Variants in TPTE observed in about 807,000 individuals in gnomAD.
TPTE encodes transmembrane phosphatase with tensin homology.
Under a neutral mutation model 84.1 loss-of-function variants are expected in TPTE, and 59 were observed. The observed-to-expected ratio is 0.70, with a 90% CI of 0.57 to 0.87. TPTE has a LOEUF of 0.87. Among genes scored for constraint, TPTE ranks in the 40% least tolerant of loss-of-function variants. TPTE has a pLI of 0.00. For missense variants in TPTE, 382 were observed against 659.6 expected (o/e 0.58, Z 4.61); for synonymous variants, 130 against 223.5 (o/e 0.58, Z 3.73).
intron 21 of TPTE, among the ~76,000 whole-genome samples, chr21:10,600,127 T>A (rs1320366599): frequency 6.6e-6 from 1 of 151,828 alleles, no homozygotes; most frequent in Non-Finnish European, 1.5e-5. Flanking sequence ...GTTTTTCCAA[T>A]TTTTTTCTTT....
rs1368265719 is a variant in TPTE, at chr21:10,569,466, T to G, written c.596T>G (p.Leu199Arg). 1 of 1,613,516 alleles carries G rather than the reference T, an allele frequency of 6.2e-7. No individual in the cohort carries two copies. Among genetic ancestry groups the G allele is most frequent in the Non-Finnish European group, 8.5e-7 (1 of 1,179,670 alleles). ...RWTHLLRLLR[L>R]IILLRIFHLF... ...ACACATTTACTTCGACTTCTACGAC[T>G]TATTATTCTGTTAAGAATTTTTCAT... The change falls in exon 12 of 24, where the codon CTT becomes CGT. Residue 199 changes from leucine to arginine, a missense_variant. Around this residue, in one of 10 missense-constraint regions of TPTE, gnomAD observed 85 missense variants for 230.9 expected, o/e 0.37. Coordinates refer to ENST00000618007, the MANE Select transcript of TPTE (RefSeq NM_199261.4).
At chr21:10,572,841 TGAGAAA>T (rs1344876184) in intron 14 of TPTE, among the ~76,000 whole-genome samples, 1 of 152,108 alleles carries the variant, frequency 6.6e-6, no homozygotes, top group Non-Finnish European at 1.5e-5. Context: ...GATATACACA[TGAGAAA>T]GAGAAAGGAA....
At chr21:10,600,048 G>C (rs1205398862) in intron 21 of TPTE, among the ~76,000 whole-genome samples, 2 of 152,290 alleles carry the variant, frequency 1.3e-5, no homozygotes, top group African/African-American at 2.4e-5. Flanking sequence ...CAAGCAGCCT[G>C]TCCACCTCAG....
chr21:10,560,270 C>T (rs1320096118), intron 9 of TPTE, among the ~76,000 whole-genome samples: 1 of 152,302 alleles, frequency 6.6e-6, no homozygotes, highest in Admixed American at 6.5e-5. Context: ...TTTACTTAGA[C>T]TCTTCTCTAC....
At chr21:10,575,379 C>T (rs2075129661) in intron 14 of TPTE, among the ~76,000 whole-genome samples, 2 of 152,430 alleles carry the variant, frequency 1.3e-5, no homozygotes, top group South Asian at 4.1e-4. Context: ...AATGGAGCTC[C>T]TGGTGGGAGG....
chr21:10,596,341 G>C (rs1198065897), intron 20 of TPTE, among the ~76,000 whole-genome samples: 2 of 152,312 alleles, frequency 1.3e-5, no homozygotes, highest in Non-Finnish European at 2.9e-5. Flanking sequence ...CATCTCTCCT[G>C]TTCTCATTGC....
chr21:10,589,605 T>C (rs2075428413), intron 17 of TPTE, among the ~76,000 whole-genome samples: 1 of 152,308 alleles, frequency 6.6e-6, no homozygotes, highest in Non-Finnish European at 1.5e-5. Flanking sequence ...CCCCACAAAG[T>C]CTCCAAGTCT....
At chr21:10,528,527 G>A (rs2074121049) in intron 3 of TPTE, among the ~76,000 whole-genome samples, 2 of 152,418 alleles carry the variant, frequency 1.3e-5, no homozygotes, top group South Asian at 2.1e-4. Flanking sequence ...GCTCCATGTG[G>A]CAAATCTCTA....
At chr21:10,597,352 A>G (rs2075606888) in intron 20 of TPTE, among the ~76,000 whole-genome samples, 1 of 152,310 alleles carries the variant, frequency 6.6e-6, no homozygotes, top group South Asian at 2.1e-4. Context: ...TGAAGAAAGC[A>G]ACATATTAGC....
intron 14 of TPTE, among the ~76,000 whole-genome samples, chr21:10,571,348 A>T (rs1177229556): frequency 6.6e-6 from 1 of 152,312 alleles, no homozygotes; most frequent in Non-Finnish European, 1.5e-5. Flanking sequence ...TATAGGAGAC[A>T]ACTATTGGAA....
intron 10 of TPTE, among the ~76,000 whole-genome samples, chr21:10,562,632 A>G (rs1414309219): frequency 6.6e-6 from 1 of 152,306 alleles, no homozygotes; most frequent in East Asian, 1.9e-4. Flanking sequence ...ATGCCGAAGA[A>G]TGCATTAGAG....
intron 7 of TPTE, among the ~76,000 whole-genome samples, chr21:10,551,353 C>T (rs371098480): frequency 1.2e-3 from 176 of 152,296 alleles, no homozygotes; most frequent in African/African-American, 3.5e-3. Flanking sequence ...AGTTAATGGG[C>T]GCAGCACACC....
intron 3 of TPTE, among the ~76,000 whole-genome samples, chr21:10,534,801 A>G (rs371005108): frequency 4.6e-5 from 7 of 152,422 alleles, no homozygotes; most frequent in African/African-American, 1.4e-4. Flanking sequence ...CTAGTTGGAT[A>G]CAAGATAAGT....
At chr21:10,522,856 C>T (rs1222097701) in intron 1 of TPTE, among the ~76,000 whole-genome samples, 37 of 152,288 alleles carry the variant, frequency 2.4e-4, no homozygotes, top group African/African-American at 7.0e-4. Context: ...TAAACATTTA[C>T]CATGTCTTTG....
In TPTE at chr21:10,596,017, T is replaced by A. The variant is rs1445024812; in HGVS notation, c.1206T>A (p.His402Gln). 2 of 1,614,052 alleles carry A rather than the reference T, an allele frequency of 1.2e-6. No individual in the cohort carries two copies. Among genetic ancestry groups the A allele is most frequent in the Non-Finnish European group, 1.7e-6 (2 of 1,179,878 alleles). Residue 402 changes from histidine to glutamine, a missense_variant, in exon 20 of 24, where the codon CAT becomes CAA. Physicochemically the swap from His to Gln is conservative, Grantham distance 24. Coordinates refer to ENST00000618007, the MANE Select transcript of TPTE (RefSeq NM_199261.4). ...RYVAYFAQVK[H>Q]LYNWNLPPRR... Reference sequence around the variant, plus strand: ...TTGCATATTTTGCACAAGTGAAACATCTCTACAACTGGAATCTCCCTCCAA... The same window carrying A: ...TTGCATATTTTGCACAAGTGAAACAACTCTACAACTGGAATCTCCCTCCAA...
At chr21:10,523,022 A>G (rs1042460749) in intron 1 of TPTE, among the ~76,000 whole-genome samples, 2 of 152,312 alleles carry the variant, frequency 1.3e-5, no homozygotes, top group African/African-American at 4.8e-5. Context: ...GTGAAATTTA[A>G]TATTGTTTAG....
rs568590486 is a variant in TPTE at position 10,544,586 on chromosome 21, A to G, written c.173+1204A>G. Reference sequence around the variant, plus strand: ...TTTTTGGTAGGGGCGGGGTTTCACTATATTGGCCAGGCTGGTCTTGAACTC... The same window carrying G: ...TTTTTGGTAGGGGCGGGGTTTCACTGTATTGGCCAGGCTGGTCTTGAACTC... On this transcript the variant is annotated intron_variant, in intron 7 of 23. Coordinates refer to ENST00000618007, the MANE Select transcript of TPTE (RefSeq NM_199261.4). Among the ~76,000 whole-genome samples, 35 of 152,402 alleles carry G rather than the reference A, an allele frequency of 2.3e-4. No individual in the cohort carries two copies. In the East Asian group the frequency reaches 6.6e-3, roughly 29 times the overall value.
chr21:10,576,913 T>TA (rs1568729871), intron 14 of TPTE, among the ~76,000 whole-genome samples: 2 of 151,938 alleles, frequency 1.3e-5, no homozygotes, highest in South Asian at 2.1e-4. Context: ...TATCTTCATT[T>TA]AAAAAAATAA....
rs370076028 is a variant in TPTE at position 10,602,054 on chromosome 21, A to G, written c.1357-4A>G. Reference sequence around the variant, plus strand: ...AGTTCTCAATTCCATGTGTTCATTCATAGGTACTTGATAACATTACAACAG... The same window carrying G: ...AGTTCTCAATTCCATGTGTTCATTCGTAGGTACTTGATAACATTACAACAG... On this transcript the variant is annotated splice_polypyrimidine_tract_variant and splice_region_variant and intron_variant, in intron 21 of 23. Coordinates refer to ENST00000618007, the MANE Select transcript of TPTE (RefSeq NM_199261.4). 3.8e-6 allele frequency: 6 copies of G among 1,586,744 alleles called. No individual in the cohort carries two copies. The highest frequency in any genetic ancestry group is 4.3e-6 in the Non-Finnish European group (5 of 1,154,764).
Sources: allele counts gnomAD v4.1 joint callset (sites outside exome capture counted in the v4.1 genomes callset), GRCh38; gene constraint gnomAD v4.1.1; regional missense constraint gnomAD v4.1.1; transcripts MANE v1.5; gene names NCBI Gene and HGNC (gene_info 2026-07-23, HGNC 2026-07-21).